WDFY4: variants seen among roughly 807,000 people sequenced by gnomAD.
WDFY4 encodes the protein WD repeat- and FYVE domain-containing protein 4.
WDFY4 carries 169 observed loss-of-function variants against 351.9 expected under a neutral mutation model. The observed-to-expected ratio is 0.48, with a 90% CI of 0.42 to 0.55. The LOEUF is 0.55. Ranked by LOEUF, WDFY4 falls within the 20% of genes least tolerant of loss-of-function variation. WDFY4 has a pLI of 0.00. For missense variants in WDFY4, 3,803 were observed against 3,935.6 expected, an observed-to-expected ratio of 0.97 and a Z score of 0.90; for synonymous variants, 1,622 against 1,574.6, an observed-to-expected ratio of 1.03 and a Z score of -0.71.
At chr10:48,715,569 G>A (rs1191866959) in intron 2 of WDFY4, among the ~76,000 whole-genome samples, 1 of 152,196 alleles carries the variant, frequency 6.6e-6, no homozygotes, top group Non-Finnish European at 1.5e-5. Context: ...CTAACTGATA[G>A]TTGAAGAAAG....
rs34645343 is a variant in WDFY4 at position 48,707,406 on chromosome 10, T to G, written c.-17-2310T>G. ...CAGTCATACTCCCTTGATTCAGTTCTGCTGCCCCTGCCTTCATACCCAGAG... is the reference window on the plus strand; with the variant it reads ...CAGTCATACTCCCTTGATTCAGTTCGGCTGCCCCTGCCTTCATACCCAGAG... On this transcript the variant is annotated intron_variant, in intron 1 of 61. Coordinates refer to ENST00000325239, the MANE Select transcript of WDFY4 (RefSeq NM_001394531.1). 3.0e-3 allele frequency among the ~76,000 whole-genome samples: 450 copies of G among 152,320 alleles called. 2 individuals are homozygous for G. The highest frequency in any genetic ancestry group is 4.7e-3 in the Non-Finnish European group (323 of 68,028).
Position 48,974,892 on chromosome 10 carries a change from T to A in WDFY4, c.8959T>A (p.Cys2987Ser). The A allele has an allele frequency of 6.4e-7, 1 of 1,550,470 alleles. No homozygotes were observed. Among genetic ancestry groups the A allele is most frequent in the East Asian group, 2.4e-5 (1 of 40,888 alleles). The change falls in exon 58 of 62, where the codon TGC (cysteine) becomes AGC (serine). Residue 2987 changes from cysteine (C) to serine (S), a missense_variant. Cys to Ser is a moderately radical substitution (Grantham distance 112). Transcript: ENST00000325239. ...ALYGHTQAVT[C>S]LAASVTFSLL... ...GTATGGACACACACAGGCTGTCACG[T>A]GCCTGGCAGCGTCAGTCACCTTCAG...
Position 48,853,671 on chromosome 10 carries a change from A to G in WDFY4, c.6664-13594A>G, listed in dbSNP as rs115303535. On this transcript the variant is annotated intron_variant, in intron 39 of 61. Transcript: ENST00000325239. ...AATGCTAAAATTAGAAAATGGAACC[A>G]CATCAGGCTTCTGTTGGAAAGCTCT... Among the ~76,000 whole-genome samples the G allele has an allele frequency of 2.7e-3, 411 of 152,376 alleles. 3 individuals carry two copies. Among genetic ancestry groups the G allele is most frequent in the African/African-American group, 9.3e-3 (388 of 41,588 alleles).
At chr10:48,922,387 T>A (rs1404120147) in intron 47 of WDFY4, among the ~76,000 whole-genome samples, 1 of 152,218 alleles carries the variant, frequency 6.6e-6, no homozygotes, top group Non-Finnish European at 1.5e-5. Context: ...AAGAGAGAGA[T>A]GCCTTAAAGT....
At position 48,743,093 on chromosome 10, in the gene WDFY4, A is replaced by T. The variant is rs1169347036; in HGVS notation, c.2004A>T (p.Ala668=). Residue 668 remains alanine, a synonymous_variant, in exon 12 of 62, where the codon GCA becomes GCT. Coordinates refer to ENST00000325239, the MANE Select transcript of WDFY4 (RefSeq NM_001394531.1). ...EGSLQEPPLQ[A]WGAVSPRQTL... is the part of the protein sequence containing the mutation. The stretch of plus-strand genomic sequence containing the variant: ...CCCTCCAGGAGCCCCCGCTGCAGGC[A>T]TGGGGAGCAGTATCCCCCAGACAGA... 2.6e-6 allele frequency: 4 copies of T among 1,551,668 alleles called. No individual in the cohort carries two copies. The highest frequency in any genetic ancestry group is 1.2e-5 in the South Asian group (1 of 84,058).
At chr10:48,819,485 G>A (rs1327613683) in intron 32 of WDFY4, among the ~76,000 whole-genome samples, 1 of 152,182 alleles carries the variant, frequency 6.6e-6, no homozygotes, top group Non-Finnish European at 1.5e-5. Flanking sequence ...TGAGCAAAGG[G>A]AGGTGCTAAC....
chr10:48,971,702 C>A (rs1475746167), intron 57 of WDFY4, among the ~76,000 whole-genome samples: 1 of 152,138 alleles, frequency 6.6e-6, no homozygotes, highest in Non-Finnish European at 1.5e-5. Context: ...GCTGCGTGGG[C>A]ACTCAGCAAA....
In WDFY4 at chr10:48,709,745, G is replaced by A. The variant is rs1244636698; in HGVS notation, c.13G>A (p.Asp5Asn). The part of the protein sequence containing the change: MEAE[D>N]LSKAEDRNED... ...GCTTTGCCACGGCATGGAGGCAGAAGATCTTTCAAAGGCTGAAGACAGAAA... is the reference window on the plus strand; with the variant it reads ...GCTTTGCCACGGCATGGAGGCAGAAAATCTTTCAAAGGCTGAAGACAGAAA... The change falls in exon 2 of 62, where the codon GAT becomes AAT. Residue 5 changes from aspartate to asparagine, a missense_variant. Coordinates refer to ENST00000325239, the MANE Select transcript of WDFY4 (RefSeq NM_001394531.1). 2 of 1,551,924 alleles carry A rather than the reference G, an allele frequency of 1.3e-6. No homozygotes were observed. Among genetic ancestry groups the A allele is most frequent in the Non-Finnish European group, 1.7e-6 (2 of 1,147,082 alleles).
chr10:48,971,071 A>C (rs1375515722), intron 57 of WDFY4, among the ~76,000 whole-genome samples: 1 of 152,236 alleles, frequency 6.6e-6, no homozygotes, highest in Admixed American at 6.5e-5. Context: ...TTTGTCTAAC[A>C]CAAAACCCCA....
intron 45 of WDFY4, among the ~76,000 whole-genome samples, chr10:48,898,009 C>G (rs1251257970): frequency 1.3e-5 from 2 of 152,100 alleles, no homozygotes; most frequent in East Asian, 3.9e-4. Flanking sequence ...CCCTTTCTCC[C>G]CAAGGTGCTC....
At chr10:48,772,318 G>C (rs973882128) in intron 13 of WDFY4, among the ~76,000 whole-genome samples, 2 of 152,134 alleles carry the variant, frequency 1.3e-5, no homozygotes, top group African/African-American at 4.8e-5. Context: ...CTCCAGCCTG[G>C]AGTATGTGTG....
chr10:48,805,222 A>G (rs752580755), intron 25 of WDFY4, 38 bp from the exon 26 acceptor site: 33 of 1,522,458 alleles, frequency 2.2e-5, no homozygotes, highest in Non-Finnish European at 2.8e-5. Flanking sequence ...GGTTCATTCC[A>G]GTAAAAGCTT....
Position 48,876,135 on chromosome 10 carries a change from C to T in WDFY4, c.7001-898C>T, listed in dbSNP as rs191883875. ...CAGTATGCACCCTGAGTAGGGAGCT[C>T]AGCCAAAGGAGAAAAAAGGTCCTGT... On this transcript the variant is annotated intron_variant, in intron 42 of 61. Coordinates refer to ENST00000325239, the MANE Select transcript of WDFY4 (RefSeq NM_001394531.1). Among the ~76,000 whole-genome samples, 6 of 152,284 alleles carry T rather than the reference C, an allele frequency of 3.9e-5. No homozygotes were observed. The East Asian group carries it at 1.2e-3, about 29-fold the overall frequency.
At chr10:48,832,730 C>A in intron 39 of WDFY4, 21 bp downstream of exon 39, 1 of 1,503,846 alleles carries the variant, frequency 6.6e-7, no homozygotes, top group Non-Finnish European at 8.9e-7. Flanking sequence ...ACCCCTTTTC[C>A]TCAGAAAAGT....
intron 47 of WDFY4, among the ~76,000 whole-genome samples, chr10:48,937,400 G>A (rs966317326): frequency 2.6e-5 from 4 of 152,214 alleles, no homozygotes; most frequent in Non-Finnish European, 4.4e-5. Context: ...GGGTCCTGGA[G>A]CAAGATCTGG....
At chr10:48,888,482 G>T (rs2070559943) in intron 43 of WDFY4, among the ~76,000 whole-genome samples, 1 of 151,912 alleles carries the variant, frequency 6.6e-6, no homozygotes, top group Admixed American at 6.6e-5. Flanking sequence ...ACACAACGGG[G>T]CACCCTCCTT....
intron 1 of WDFY4, among the ~76,000 whole-genome samples, chr10:48,690,876 C>T (rs910782569): frequency 3.3e-5 from 5 of 152,168 alleles, no homozygotes; most frequent in Admixed American, 2.0e-4. Context: ...AAAAAGACAA[C>T]ACAAGTCCCC....
At chr10:48,689,696 T>G (rs1252866971) in intron 1 of WDFY4, among the ~76,000 whole-genome samples, 3 of 152,204 alleles carry the variant, frequency 2.0e-5, no homozygotes, top group Non-Finnish European at 4.4e-5. Context: ...GGCCAGAGGC[T>G]TTCATGGGAA....
intron 58 of WDFY4, 70 bp from the exon 59 acceptor site, chr10:48,976,727 G>T: frequency 7.8e-7 from 1 of 1,282,390 alleles, no homozygotes; most frequent in South Asian, 2.5e-5. Context: ...TACCAACTGG[G>T]TAGCTGAGCA....
Sources: gnomAD v4.1 joint callset for allele counts (sites outside exome capture counted in the v4.1 genomes callset) on GRCh38, gnomAD v4.1.1 for gene constraint, MANE v1.5 for transcripts, NCBI Gene and HGNC (gene_info 2026-07-23, HGNC 2026-07-21) for gene names.